Variants in SLCO3A1 observed in about 807,000 individuals in gnomAD.
SLCO3A1 encodes solute carrier organic anion transporter family member 3A1.
Under a neutral mutation model 63.1 loss-of-function variants are expected in SLCO3A1, and 27 were observed. That is an observed-to-expected ratio of 0.43 (90% CI 0.32 to 0.59). SLCO3A1 has a LOEUF of 0.59. Ranked by LOEUF, SLCO3A1 falls within the 20% of genes least tolerant of loss-of-function variation. The pLI, the probability that SLCO3A1 is intolerant of heterozygous loss-of-function variation, is 0.09. For missense variants in SLCO3A1, 773 were observed against 945.8 expected (o/e 0.82, Z 2.40); for synonymous variants, 473 against 409.9 (o/e 1.15, Z -1.86).
intron 2 of SLCO3A1, among the ~76,000 whole-genome samples, chr15:91,983,076 A>G (rs2046007594): frequency 6.6e-6 from 1 of 152,244 alleles, no homozygotes; most frequent in African/African-American, 2.4e-5. Flanking sequence ...ATTTCCATTA[A>G]GCTGGAGATG....
chr15:91,964,927 T>C (rs1280434620), intron 2 of SLCO3A1, among the ~76,000 whole-genome samples: 1 of 152,120 alleles, frequency 6.6e-6, no homozygotes, highest in Non-Finnish European at 1.5e-5. Context: ...GTACTTTGTC[T>C]TTCCACGAGT....
intron 4 of SLCO3A1, among the ~76,000 whole-genome samples, chr15:92,109,111 C>T (rs904485651): frequency 3.9e-5 from 6 of 152,046 alleles, no homozygotes; most frequent in Admixed American, 6.6e-5. Context: ...TAGACATGGA[C>T]GCATGCACAG....
At chr15:92,144,313 G>T (rs2048191648) in intron 7 of SLCO3A1, among the ~76,000 whole-genome samples, 1 of 151,758 alleles carries the variant, frequency 6.6e-6, no homozygotes. Flanking sequence ...TTTGACTTCA[G>T]GCTTGAATAC....
chr15:91,963,608 C>T (rs540532872), intron 2 of SLCO3A1, among the ~76,000 whole-genome samples: 2 of 152,258 alleles, frequency 1.3e-5, no homozygotes, highest in African/African-American at 4.8e-5. Flanking sequence ...GTTTTGCTGA[C>T]TTCAAGAATG....
In SLCO3A1 at chr15:91,882,742, G is replaced by A. The variant is rs377073371; in HGVS notation, c.180+28654G>A. 1.1e-4 allele frequency among the ~76,000 whole-genome samples: 16 copies of A among 152,238 alleles called. No homozygotes were observed. In the East Asian group the frequency reaches 1.4e-3, roughly 13 times the overall value. On this transcript the variant is annotated intron_variant, in intron 1 of 9. Coordinates refer to ENST00000318445, the MANE Select transcript of SLCO3A1 (RefSeq NM_013272.4). This position sits in a 1 kb window ranked among gnomAD's most constrained non-coding sequence, Gnocchi z 4.4. The stretch of plus-strand genomic sequence containing the variant: ...TCACCATGTTGGCCAGGCTGGTCTC[G>A]AACTCCTGACCTCAGGTCATCTGCC...
rs1309597759 is a variant in SLCO3A1 at position 92,033,126 on chromosome 15, A to G, written c.647-61755A>G. On this transcript the variant is annotated intron_variant, in intron 2 of 9. Coordinates refer to ENST00000318445, the MANE Select transcript of SLCO3A1 (RefSeq NM_013272.4). The surrounding 1 kb of genome is among the most constrained non-coding windows in gnomAD (Gnocchi z 4.5). The stretch of plus-strand genomic sequence containing the variant: ...ATAGAATTTTAGAATTTACCAAAGA[A>G]TCTCACGTGTAAAAAAAACAAAAGA... Among the ~76,000 whole-genome samples the G allele has an allele frequency of 2.0e-5, 3 of 152,198 alleles. No homozygotes were observed. The highest frequency in any genetic ancestry group is 2.9e-5 in the Non-Finnish European group (2 of 68,036).
rs868085243 is a variant in SLCO3A1 at position 92,165,184 on chromosome 15, C to T, written c.*2049C>T. 6.1e-6 allele frequency: 6 copies of T among 985,250 alleles called. No homozygotes were observed. The South Asian group carries it at 2.3e-4, about 39-fold the overall frequency. 61.0% of individuals were successfully genotyped at this position (985,250 alleles called of 1,614,324 possible). ...AAGCTGTGTCGTGGTATGGGGCCAC[C>T]GTGATCAGCTACCTGGGGCAGGATG... On this transcript the variant is annotated 3_prime_UTR_variant, in exon 10 of 10. Transcript: ENST00000318445.
intron 2 of SLCO3A1, among the ~76,000 whole-genome samples, chr15:91,952,185 C>T (rs1024991319): frequency 1.3e-5 from 2 of 152,194 alleles, no homozygotes; most frequent in African/African-American, 4.8e-5. Context: ...TGCCTGTTCT[C>T]ATCACATCCT....
At chr15:91,896,380 T>C (rs1275362121) in intron 1 of SLCO3A1, among the ~76,000 whole-genome samples, 1 of 152,202 alleles carries the variant, frequency 6.6e-6, no homozygotes, top group African/African-American at 2.4e-5. Context: ...ATTGCTTCTC[T>C]GAGGTAGGAC....
At chr15:91,871,399 A>C (rs1897275451) in intron 1 of SLCO3A1, among the ~76,000 whole-genome samples, 1 of 152,178 alleles carries the variant, frequency 6.6e-6, no homozygotes, top group African/African-American at 2.4e-5. Flanking sequence ...ACCCTCTGGC[A>C]GTATTCTGTG....
At chr15:92,032,676 A>C (rs2046668198) in intron 2 of SLCO3A1, among the ~76,000 whole-genome samples, 1 of 152,266 alleles carries the variant, frequency 6.6e-6, no homozygotes. Context: ...TGGAGTGGGC[A>C]GCATCTTGCA....
intron 1 of SLCO3A1, among the ~76,000 whole-genome samples, chr15:91,895,974 A>G (rs1567175213): frequency 6.6e-6 from 1 of 152,212 alleles, no homozygotes; most frequent in African/African-American, 2.4e-5. Flanking sequence ...CTTGTTTTCC[A>G]GTAGGAAGCT....
intron 2 of SLCO3A1, among the ~76,000 whole-genome samples, chr15:91,995,733 GAAAAA>G (rs34688452): frequency 1.3e-5 from 1 of 79,780 alleles, no homozygotes; most frequent in African/African-American, 4.5e-5. Context: ...AGATTTTCTT[GAAAAA>G]AAAAAAAAAA....
At chr15:92,137,308 A>AT in intron 7 of SLCO3A1, among the ~76,000 whole-genome samples, 1 of 100,982 alleles carries the variant, frequency 9.9e-6, no homozygotes, top group East Asian at 2.4e-4. Flanking sequence ...TGAACTCATC[A>AT]TTTTTTATGG....
intron 7 of SLCO3A1, among the ~76,000 whole-genome samples, chr15:92,129,576 C>G (rs763150150): frequency 1.3e-5 from 2 of 152,144 alleles, no homozygotes; most frequent in African/African-American, 4.8e-5. Context: ...GTCATCTGCT[C>G]TGGTCTTTGG....
At chr15:91,959,591 G>T (rs1279152384) in intron 2 of SLCO3A1, among the ~76,000 whole-genome samples, 1 of 151,646 alleles carries the variant, frequency 6.6e-6, no homozygotes, top group Non-Finnish European at 1.5e-5. Context: ...AATTCGCTGG[G>T]TGTGGTGGTG....
At chr15:92,172,046 T>A in exon 11 of SLCO3A1, 1 of 587,638 alleles carries the variant, frequency 1.7e-6, no homozygotes, top group East Asian at 2.8e-5. Context: ...AGAGGTGACT[T>A]ATGGTCAGGA....
At chr15:91,958,172 T>C (rs1216251885) in intron 2 of SLCO3A1, among the ~76,000 whole-genome samples, 1 of 152,240 alleles carries the variant, frequency 6.6e-6, no homozygotes, top group Non-Finnish European at 1.5e-5. Context: ...TTGATACTAG[T>C]CTATGTATTA....
At chr15:91,969,192 G>A (rs534070880) in intron 2 of SLCO3A1, among the ~76,000 whole-genome samples, 1 of 152,180 alleles carries the variant, frequency 6.6e-6, no homozygotes, top group Non-Finnish European at 1.5e-5. Context: ...GAATGAATGA[G>A]TGAATAAATC....
Sources: allele counts gnomAD v4.1 joint callset (sites outside exome capture counted in the v4.1 genomes callset), GRCh38; gene constraint gnomAD v4.1.1; non-coding constraint Gnocchi (gnomAD v3.1); transcripts MANE v1.5; gene names NCBI Gene and HGNC (gene_info 2026-07-23, HGNC 2026-07-21).